Variants in TLK1 observed in about 807,000 individuals in gnomAD.
The protein encoded by TLK1 is serine/threonine-protein kinase tousled-like 1.
In TLK1, 24 loss-of-function variants were observed where a neutral mutation model predicts 105.3. The observed-to-expected ratio is 0.23, with a 90% CI of 0.17 to 0.32. TLK1 has a LOEUF of 0.32. Among genes scored for constraint, TLK1 ranks in the 10% least tolerant of loss-of-function variants. The pLI is 1.00. For missense variants in TLK1, 558 were observed against 910.5 expected, an observed-to-expected ratio of 0.61 and a Z score of 4.98; for synonymous variants, 321 against 310.4, an observed-to-expected ratio of 1.03 and a Z score of -0.36.
intron 2 of TLK1, among the ~76,000 whole-genome samples, chr2:171,117,450 A>G (rs1690482925): frequency 6.6e-6 from 1 of 152,174 alleles, no homozygotes; most frequent in Non-Finnish European, 1.5e-5. Flanking sequence ...AGATGTACAG[A>G]TAGGACCATG....
intron 1 of TLK1, among the ~76,000 whole-genome samples, chr2:171,142,064 G>C (rs1691599550): frequency 6.6e-6 from 1 of 151,612 alleles, no homozygotes; most frequent in Non-Finnish European, 1.5e-5. Context: ...ACCAGAAAGA[G>C]AAAAAAGTGC....
intron 1 of TLK1, among the ~76,000 whole-genome samples, chr2:171,134,918 G>A (rs568423808): frequency 2.0e-5 from 3 of 151,950 alleles, no homozygotes; most frequent in Admixed American, 6.6e-5. Context: ...CCTTAAAAAA[G>A]AAGGAAATCC....
intron 1 of TLK1, among the ~76,000 whole-genome samples, chr2:171,155,322 A>G (rs1042298952): frequency 2.0e-5 from 3 of 152,198 alleles, no homozygotes; most frequent in African/African-American, 7.2e-5. Flanking sequence ...TGTATCATAA[A>G]CAGCATTTGG....
chr2:171,168,479 G>T (rs1049363866), intron 1 of TLK1, among the ~76,000 whole-genome samples: 1 of 152,338 alleles, frequency 6.6e-6, no homozygotes, highest in Admixed American at 6.5e-5. Flanking sequence ...GTGCTGATTA[G>T]AAGTGTGTAT....
intron 11 of TLK1, among the ~76,000 whole-genome samples, chr2:171,037,706 C>A (rs1301153683): frequency 6.6e-6 from 1 of 152,048 alleles, no homozygotes; most frequent in African/African-American, 2.4e-5. Flanking sequence ...CCAACATAAA[C>A]CCAACTTGGT....
At chr2:171,165,555 C>T (rs916562718), upstream of TLK1, among the ~76,000 whole-genome samples, 30 of 134,148 alleles carry the variant, frequency 2.2e-4, no homozygotes, top group Non-Finnish European at 3.1e-5. Flanking sequence ...CTCTTAACTT[C>T]TAAATTCAAG....
intron 2 of TLK1, among the ~76,000 whole-genome samples, chr2:171,090,009 A>T (rs560905240): frequency 5.1e-4 from 78 of 152,200 alleles, no homozygotes; most frequent in Non-Finnish European, 9.0e-4. Context: ...CTGGGATTTT[A>T]ATTGGTATTG....
intron 11 of TLK1, among the ~76,000 whole-genome samples, chr2:171,036,727 G>C (rs1285341573): frequency 6.6e-6 from 1 of 152,170 alleles, no homozygotes; most frequent in Non-Finnish European, 1.5e-5. Context: ...TCTCAGGGTG[G>C]ATTATACCCC....
At chr2:171,143,068 T>G (rs1375201896) in intron 1 of TLK1, among the ~76,000 whole-genome samples, 1 of 152,072 alleles carries the variant, frequency 6.6e-6, no homozygotes, top group Non-Finnish European at 1.5e-5. Flanking sequence ...AAATCGAGAC[T>G]CCGTCTCTCA....
At chr2:171,210,263 C>T (rs1693588162) in intron 1 of TLK1, among the ~76,000 whole-genome samples, 1 of 151,846 alleles carries the variant, frequency 6.6e-6, no homozygotes, top group Admixed American at 6.6e-5. Context: ...CACACCTTCA[C>T]GTTCTTTTTT....
chr2:171,083,869 A>G (rs1408012703), intron 2 of TLK1, among the ~76,000 whole-genome samples: 3 of 152,246 alleles, frequency 2.0e-5, no homozygotes, highest in Admixed American at 6.5e-5. Context: ...GGAATAAGTT[A>G]TAATCTAATT....
intron 20 of TLK1, among the ~76,000 whole-genome samples, chr2:170,995,167 C>A (rs1259266822): frequency 6.6e-6 from 1 of 151,996 alleles, no homozygotes; most frequent in African/African-American, 2.4e-5. Context: ...GGGAAAAAAA[C>A]ATCAAGACTG....
intron 8 of TLK1, among the ~76,000 whole-genome samples, chr2:171,052,096 C>T (rs1285064907): frequency 6.6e-6 from 1 of 151,668 alleles, no homozygotes; most frequent in Non-Finnish European, 1.5e-5. Context: ...CCCAGCTCTA[C>T]AAAATAAAAA....
chr2:171,084,539 TA>T (rs1489074752), intron 2 of TLK1, among the ~76,000 whole-genome samples: 8 of 152,130 alleles, frequency 5.3e-5, no homozygotes, highest in African/African-American at 1.9e-4. Flanking sequence ...GAAAGCCCTG[TA>T]AGAAAAGCCA....
At chr2:171,076,675 G>A (rs11902841) in intron 3 of TLK1, among the ~76,000 whole-genome samples, 9,750 of 150,846 alleles carry the variant, frequency 0.065, 837 homozygotes, top group East Asian at 0.28. Context: ...CGAGGCGGGC[G>A]GATCACAAGG....
chr2:171,192,310 T>C (rs891121008), intron 1 of TLK1, among the ~76,000 whole-genome samples: 10 of 152,248 alleles, frequency 6.6e-5, no homozygotes, highest in African/African-American at 2.4e-4. Flanking sequence ...ATTACTGGTG[T>C]GAGCCACCGG....
chr2:171,229,104 C>T (rs1357219298), intron 1 of TLK1, among the ~76,000 whole-genome samples: 1 of 152,200 alleles, frequency 6.6e-6, no homozygotes, highest in Non-Finnish European at 1.5e-5. Context: ...CTTTTGTTTT[C>T]CAATATTTTA....
intron 1 of TLK1, among the ~76,000 whole-genome samples, chr2:171,154,131 C>T (rs545140558): frequency 2.6e-5 from 4 of 152,038 alleles, no homozygotes; most frequent in Admixed American, 6.6e-5. Context: ...TCAAGCAATC[C>T]TCTTGCCTTG....
At chr2:171,077,677 T>A (rs1463170680) in intron 3 of TLK1, among the ~76,000 whole-genome samples, 1 of 152,212 alleles carries the variant, frequency 6.6e-6, no homozygotes. Flanking sequence ...CCTCTGTAAC[T>A]TTTAAAAAAT....
Sources: allele counts gnomAD v4.1 joint callset (sites outside exome capture counted in the v4.1 genomes callset), GRCh38; gene constraint gnomAD v4.1.1; transcripts MANE v1.5; gene names NCBI Gene and HGNC (gene_info 2026-07-23, HGNC 2026-07-21).